The following NTM variants were observed in gnomAD, a reference collection of about 807,000 sequenced individuals.
The protein encoded by NTM is IgLON family member 2.
In NTM, 13 loss-of-function variants were observed where a neutral mutation model predicts 42.1. The observed-to-expected ratio is 0.31, with a 90% CI of 0.20 to 0.49. NTM has a LOEUF of 0.49. NTM is among the 20% of genes least tolerant of loss of function. The pLI, the probability that NTM is intolerant of heterozygous loss-of-function variation, is 0.99. For missense variants in NTM, 373 were observed against 452.8 expected (o/e 0.82, Z 1.60); for synonymous variants, 187 against 179.2 (o/e 1.04, Z -0.35).
At chr11:131,945,866 C>T (rs1030754843) in intron 2 of NTM, among the ~76,000 whole-genome samples, 1 of 152,182 alleles carries the variant, frequency 6.6e-6, no homozygotes, top group Non-Finnish European at 1.5e-5. Context: ...TAGATGGCGT[C>T]TGGCAAATCT....
intron 1 of NTM, among the ~76,000 whole-genome samples, chr11:131,702,199 C>T (rs530083400): frequency 1.0e-3 from 156 of 152,230 alleles, no homozygotes; most frequent in South Asian, 2.5e-3. Context: ...AGGGATCGGC[C>T]CACACTTGGA....
chr11:132,290,005 G>A (rs1279633410), intron 4 of NTM, among the ~76,000 whole-genome samples: 1 of 152,178 alleles, frequency 6.6e-6, no homozygotes, highest in African/African-American at 2.4e-5. Context: ...GTTTAAGCCA[G>A]GAAAGGAAGG....
At chr11:131,402,582 C>A (rs1188282327) in intron 1 of NTM, among the ~76,000 whole-genome samples, 2 of 152,098 alleles carry the variant, frequency 1.3e-5, no homozygotes, top group Non-Finnish European at 2.9e-5. Flanking sequence ...TGGAGAGAGC[C>A]AGTCCAGCCA....
At chr11:132,277,653 G>A (rs143549503) in intron 4 of NTM, among the ~76,000 whole-genome samples, 50 of 152,248 alleles carry the variant, frequency 3.3e-4, no homozygotes, top group East Asian at 1.5e-3. Flanking sequence ...ATTTGATAAC[G>A]TAATATCAAA....
chr11:132,284,509 C>A (rs1290482948), intron 4 of NTM, among the ~76,000 whole-genome samples: 3 of 152,028 alleles, frequency 2.0e-5, no homozygotes, highest in Non-Finnish European at 4.4e-5. Context: ...CTTCCAAATG[C>A]CCTCACACTG....
Position 132,335,168 on chromosome 11 carries a change from C to T in NTM, c.*22C>T, listed in dbSNP as rs367919252. On this transcript the variant is annotated 3_prime_UTR_variant, in exon 9 of 9. Coordinates refer to ENST00000683400, the MANE Select transcript of NTM (RefSeq NM_001352005.2). ...TTGATGTGAGTGCCACTTCCCCACC[C>T]GGGAAAGGCTGCCGCCACCACCACC... is the stretch of plus-strand genomic sequence containing the variant. 9.9e-5 allele frequency: 160 copies of T among 1,610,368 alleles called. No individual in the cohort carries two copies. Among genetic ancestry groups the T allele is most frequent in the African/African-American group, 4.0e-4 (30 of 74,826 alleles).
intron 2 of NTM, among the ~76,000 whole-genome samples, chr11:131,988,867 C>G (rs976879267): frequency 6.6e-6 from 1 of 152,122 alleles, no homozygotes; most frequent in African/African-American, 2.4e-5. Context: ...ACCAAAAACA[C>G]TGTTATATTT....
At chr11:131,782,807 A>C (rs907109137) in intron 1 of NTM, among the ~76,000 whole-genome samples, 3 of 152,154 alleles carry the variant, frequency 2.0e-5, no homozygotes, top group South Asian at 2.1e-4. Flanking sequence ...ACTCTCAGCA[A>C]ACTAAGTAAA....
intron 2 of NTM, among the ~76,000 whole-genome samples, chr11:132,075,456 C>A (rs554339755): frequency 2.0e-5 from 3 of 152,232 alleles, no homozygotes; most frequent in Admixed American, 2.0e-4. Flanking sequence ...GAATCCTATT[C>A]CAAGATGGGA....
chr11:131,966,661 G>A (rs1487751189), intron 2 of NTM, among the ~76,000 whole-genome samples: 1 of 152,160 alleles, frequency 6.6e-6, no homozygotes, highest in Non-Finnish European at 1.5e-5. Flanking sequence ...GGGGTGGCTG[G>A]GATGCAGAGT....
At chr11:131,465,995 T>G (rs759620051) in intron 1 of NTM, among the ~76,000 whole-genome samples, 1 of 152,178 alleles carries the variant, frequency 6.6e-6, no homozygotes, top group Non-Finnish European at 1.5e-5. Context: ...AAGCTATCAC[T>G]CTGCAGGAGT....
At chr11:132,097,305 G>A (rs1390703994) in intron 2 of NTM, among the ~76,000 whole-genome samples, 5 of 152,168 alleles carry the variant, frequency 3.3e-5, no homozygotes, top group African/African-American at 1.2e-4. Flanking sequence ...TGACCTGGTC[G>A]AGTGGCACTG....
intron 2 of NTM, among the ~76,000 whole-genome samples, chr11:131,989,606 C>T (rs2066658231): frequency 6.6e-6 from 1 of 152,056 alleles, no homozygotes; most frequent in South Asian, 2.1e-4. Context: ...TTAAGGGGTT[C>T]TAATGTGTAT....
intron 1 of NTM, among the ~76,000 whole-genome samples, chr11:131,498,351 C>T (rs760488862): frequency 4.7e-4 from 71 of 152,186 alleles, no homozygotes; most frequent in Non-Finnish European, 9.8e-4. Flanking sequence ...GAAGAATACA[C>T]ACTTGGCTTG....
chr11:132,238,200 G>A (rs949771989), intron 4 of NTM, among the ~76,000 whole-genome samples: 1 of 152,126 alleles, frequency 6.6e-6, no homozygotes, highest in African/African-American at 2.4e-5. Context: ...CATCCTTTGA[G>A]AAGAGGCTGG....
chr11:131,538,564 A>C (rs1009876872), intron 1 of NTM: 27 of 152,540 alleles, frequency 1.8e-4, no homozygotes, highest in African/African-American at 6.0e-4. Flanking sequence ...TGTTATAGTT[A>C]GTGCCTGATC....
chr11:131,584,541 T>C (rs73580298), intron 1 of NTM, among the ~76,000 whole-genome samples: 6,250 of 152,264 alleles, frequency 0.041, 376 homozygotes, highest in African/African-American at 0.14. Context: ...GTCCCATTAG[T>C]AGTCAACAGA....
chr11:132,090,815 GA>G (rs916594299), intron 2 of NTM, among the ~76,000 whole-genome samples: 1 of 152,098 alleles, frequency 6.6e-6, no homozygotes, highest in African/African-American at 2.4e-5. Flanking sequence ...CTCCACTCCA[GA>G]AAAAATTCAC....
At chr11:132,293,072 GGAC>G (rs1201358104) in intron 4 of NTM, among the ~76,000 whole-genome samples, 3 of 152,080 alleles carry the variant, frequency 2.0e-5, no homozygotes, top group African/African-American at 7.2e-5. Context: ...TTGTACTTCT[GGAC>G]GAGGAGGTCA....
Sources: gnomAD v4.1 joint callset for allele counts (sites outside exome capture counted in the v4.1 genomes callset) on GRCh38, gnomAD v4.1.1 for gene constraint, MANE v1.5 for transcripts, NCBI Gene and HGNC (gene_info 2026-07-23, HGNC 2026-07-21) for gene names.